Variants in TNR observed in about 807,000 individuals in gnomAD.
TNR encodes the protein tenascin R, also known as tenascin-R.
In TNR, 45 loss-of-function variants were observed where a neutral mutation model predicts 150.4. The ratio of observed to expected loss-of-function variants is 0.30; its 90% confidence interval spans 0.24 to 0.38. TNR has a LOEUF of 0.38. Among genes scored for constraint, TNR ranks in the 10% least tolerant of loss-of-function variants. The pLI is 1.00. For synonymous variants in TNR, 687 were observed against 678.4 expected, an observed-to-expected ratio of 1.01 and a Z score of -0.20; for missense variants, 1,544 against 1,759.1, an observed-to-expected ratio of 0.88 and a Z score of 2.19.
chr1:175,328,121 C>T (rs1208011049), intron 21 of TNR, among the ~76,000 whole-genome samples: 1 of 152,084 alleles, frequency 6.6e-6, no homozygotes, highest in Non-Finnish European at 1.5e-5. Context: ...AACACAAAAA[C>T]AAAAACAGAA....
chr1:175,715,854 A>C (rs1181270358), intron 1 of TNR, among the ~76,000 whole-genome samples: 3 of 152,196 alleles, frequency 2.0e-5, no homozygotes, highest in Non-Finnish European at 4.4e-5. Flanking sequence ...ATGAGCTCAG[A>C]TTCTCTGTCA....
intron 2 of TNR, among the ~76,000 whole-genome samples, chr1:175,520,747 C>G (rs1466535862): frequency 6.6e-6 from 1 of 152,092 alleles, no homozygotes; most frequent in Non-Finnish European, 1.5e-5. Context: ...TTCTTCTCCT[C>G]ATTAGCCATC....
chr1:175,608,429 G>T (rs1663482576), intron 1 of TNR, among the ~76,000 whole-genome samples: 2 of 152,164 alleles, frequency 1.3e-5, no homozygotes, highest in Admixed American at 6.5e-5. Flanking sequence ...GTAAGTAGAA[G>T]GTTAAAAGAA....
intron 1 of TNR, among the ~76,000 whole-genome samples, chr1:175,579,716 C>A (rs1662272107): frequency 6.6e-6 from 1 of 151,194 alleles, no homozygotes; most frequent in African/African-American, 2.4e-5. Flanking sequence ...GGGTAGGAGA[C>A]AAAGAGGCCA....
At chr1:175,325,528 A>G (rs1245182666) in intron 21 of TNR, among the ~76,000 whole-genome samples, 2 of 152,238 alleles carry the variant, frequency 1.3e-5, no homozygotes, top group African/African-American at 4.8e-5. Context: ...GTATATACTC[A>G]AAGGATTATC....
At chr1:175,350,866 G>T (rs554382087) in intron 18 of TNR, among the ~76,000 whole-genome samples, 1 of 152,136 alleles carries the variant, frequency 6.6e-6, no homozygotes, top group Non-Finnish European at 1.5e-5. Flanking sequence ...GTGGATAAAG[G>T]CAACTTTGGG....
intron 1 of TNR, among the ~76,000 whole-genome samples, chr1:175,655,213 A>G (rs981920344): frequency 6.6e-6 from 1 of 152,200 alleles, no homozygotes; most frequent in Non-Finnish European, 1.5e-5. Flanking sequence ...ATGTACCCAC[A>G]AATGTTCCAG....
chr1:175,355,369 G>A, intron 17 of TNR, 134 bp downstream of exon 17: 2 of 1,196,612 alleles, frequency 1.7e-6, no homozygotes, highest in Non-Finnish European at 2.3e-6. Flanking sequence ...TATCCTTGAT[G>A]GGAAGCTGAT....
intron 2 of TNR, among the ~76,000 whole-genome samples, chr1:175,487,037 G>A (rs778208477): frequency 6.6e-6 from 1 of 152,136 alleles, no homozygotes; most frequent in South Asian, 2.1e-4. Context: ...TTTGTCAGAT[G>A]GGTAGATTGC....
At chr1:175,452,612 G>A (rs1656377442) in intron 2 of TNR, among the ~76,000 whole-genome samples, 1 of 152,222 alleles carries the variant, frequency 6.6e-6, no homozygotes, top group African/African-American at 2.4e-5. Context: ...GGAAGTTGGG[G>A]GGACAAAGGT....
intron 2 of TNR, among the ~76,000 whole-genome samples, chr1:175,459,506 T>C (rs1355237497): frequency 6.6e-6 from 1 of 152,204 alleles, no homozygotes; most frequent in Admixed American, 6.5e-5. Flanking sequence ...TAAACAAACC[T>C]ATTGAGAACA....
intron 1 of TNR, among the ~76,000 whole-genome samples, chr1:175,533,049 G>A (rs1660135367): frequency 6.6e-6 from 1 of 152,186 alleles, no homozygotes; most frequent in Non-Finnish European, 1.5e-5. Context: ...TTGAAGGCTA[G>A]TTGCCACAAA....
chr1:175,366,685 T>A (rs115932181), intron 10 of TNR, among the ~76,000 whole-genome samples: 1,535 of 152,340 alleles, frequency 0.01, 23 homozygotes, highest in African/African-American at 0.034. Context: ...GCTAGTACCA[T>A]AGGTGCTGAA....
chr1:175,505,314 G>T (rs1196561336), intron 2 of TNR, among the ~76,000 whole-genome samples: 1 of 152,224 alleles, frequency 6.6e-6, no homozygotes, highest in South Asian at 2.1e-4. Flanking sequence ...GCTTCCCCCG[G>T]CGAGGCAGGA....
intron 4 of TNR, among the ~76,000 whole-genome samples, chr1:175,402,054 T>C (rs1033289261): frequency 2.6e-5 from 4 of 152,122 alleles, no homozygotes; most frequent in African/African-American, 9.7e-5. Context: ...ACGCCTGTAA[T>C]CCCAGCACTT....
At chr1:175,434,302 A>G (rs929557831) in intron 2 of TNR, among the ~76,000 whole-genome samples, 2 of 151,914 alleles carry the variant, frequency 1.3e-5, no homozygotes, top group African/African-American at 2.4e-5. Context: ...TGGGAACACA[A>G]TTCCTTCCCT....
intron 2 of TNR, among the ~76,000 whole-genome samples, chr1:175,472,457 T>C (rs1657339927): frequency 6.6e-6 from 1 of 152,252 alleles, no homozygotes; most frequent in Non-Finnish European, 1.5e-5. Context: ...CAGTTACATA[T>C]TGTACATAAT....
chr1:175,687,226 G>A (rs1036250215), intron 1 of TNR, among the ~76,000 whole-genome samples: 1 of 152,078 alleles, frequency 6.6e-6, no homozygotes, highest in African/African-American at 2.4e-5. Context: ...GCTCTGGCCA[G>A]AGGAGAAAAG....
At chr1:175,631,822 G>C (rs1412971643) in intron 1 of TNR, among the ~76,000 whole-genome samples, 3 of 152,256 alleles carry the variant, frequency 2.0e-5, no homozygotes, top group South Asian at 2.1e-4. Context: ...AGAGGAATTG[G>C]GGGAGCAGAA....
Sources: gnomAD v4.1 joint callset for allele counts (sites outside exome capture counted in the v4.1 genomes callset) on GRCh38, gnomAD v4.1.1 for gene constraint, MANE v1.5 for transcripts, NCBI Gene and HGNC (gene_info 2026-07-23, HGNC 2026-07-21) for gene names.